Variants in MBD5 observed in about 807,000 individuals in gnomAD.
MBD5 encodes methyl-CpG binding domain protein 5.
In MBD5, 13 loss-of-function variants were observed where a neutral mutation model predicts 117.3. The ratio of observed to expected loss-of-function variants is 0.11; its 90% CI spans 0.07 to 0.18. The LOEUF is 0.18. Ranked by LOEUF, MBD5 falls within the 10% of genes least tolerant of loss-of-function variation. The probability of loss-of-function intolerance (pLI) is 1.00; values close to 1 mark genes in which losing one functional copy is unlikely to be tolerated. For missense variants in MBD5, 1,879 were observed against 2,093.8 expected (o/e 0.90, Z 2.00); for synonymous variants, 727 against 766.4 (o/e 0.95, Z 0.85).
At chr2:148,255,355 G>A (rs1323244288) in intron 3 of MBD5, among the ~76,000 whole-genome samples, 2 of 152,136 alleles carry the variant, frequency 1.3e-5, no homozygotes, top group African/African-American at 2.4e-5. Flanking sequence ...CAGTACATGT[G>A]TCCCCCAGAG....
At chr2:148,342,773 T>G (rs999821675) in intron 4 of MBD5, among the ~76,000 whole-genome samples, 2 of 151,986 alleles carry the variant, frequency 1.3e-5, no homozygotes, top group African/African-American at 4.8e-5. Flanking sequence ...TATTTTTTTC[T>G]CCTCAACTTT....
chr2:148,106,633 T>C (rs1696380263), intron 1 of MBD5, among the ~76,000 whole-genome samples: 1 of 151,942 alleles, frequency 6.6e-6, no homozygotes, highest in Admixed American at 6.6e-5. Flanking sequence ...TTCTCCTTTA[T>C]TGCCTTCTTT....
At chr2:148,144,431 T>C (rs1697396541) in intron 1 of MBD5, among the ~76,000 whole-genome samples, 1 of 152,248 alleles carries the variant, frequency 6.6e-6, no homozygotes, top group Non-Finnish European at 1.5e-5. Context: ...TGTTTTGCTC[T>C]GCAGAAGCTC....
intron 4 of MBD5, among the ~76,000 whole-genome samples, chr2:148,349,337 GTTGGTA>G (rs1703196098): frequency 1.3e-5 from 2 of 151,932 alleles, no homozygotes; most frequent in South Asian, 4.1e-4. Context: ...TCAGAATAGT[GTTGGTA>G]TACAGTAAGC....
At chr2:148,176,055 G>C (rs778255946) in intron 1 of MBD5, among the ~76,000 whole-genome samples, 2 of 152,084 alleles carry the variant, frequency 1.3e-5, no homozygotes, top group Non-Finnish European at 2.9e-5. Flanking sequence ...GATTTACAGA[G>C]CTATTGGTTC....
chr2:148,385,216 T>A (rs1704312174), intron 4 of MBD5, among the ~76,000 whole-genome samples: 1 of 152,220 alleles, frequency 6.6e-6, no homozygotes. Context: ...CGTACTCATC[T>A]GACAAAGGGC....
At chr2:148,240,480 G>A (rs1700193973) in intron 3 of MBD5, among the ~76,000 whole-genome samples, 1 of 151,828 alleles carries the variant, frequency 6.6e-6, no homozygotes, top group African/African-American at 2.4e-5. Context: ...GAATGCCTGG[G>A]TTCAAGCAAT....
intron 4 of MBD5, among the ~76,000 whole-genome samples, chr2:148,347,897 C>T (rs948533021): frequency 6.6e-6 from 1 of 151,916 alleles, no homozygotes; most frequent in African/African-American, 2.4e-5. Flanking sequence ...ACCCTACCCC[C>T]CAATGCCACT....
chr2:148,195,766 G>T (rs987838138), intron 2 of MBD5, among the ~76,000 whole-genome samples: 31 of 152,036 alleles, frequency 2.0e-4, no homozygotes, highest in African/African-American at 7.5e-4. Context: ...TCGATATTTG[G>T]AAATTAAACA....
chr2:148,242,379 T>C (rs545920187), intron 3 of MBD5, among the ~76,000 whole-genome samples: 13 of 151,014 alleles, frequency 8.6e-5, no homozygotes, highest in South Asian at 2.1e-4. Context: ...TACACACACA[T>C]ATATATATAT....
At chr2:148,389,046 G>T (rs1398502924) in intron 4 of MBD5, among the ~76,000 whole-genome samples, 2 of 150,518 alleles carry the variant, frequency 1.3e-5, no homozygotes, top group Admixed American at 1.3e-4. Flanking sequence ...CCATTGTTGA[G>T]CTCCCACATT....
At chr2:148,398,880 GT>G (rs1156619674) in intron 4 of MBD5, among the ~76,000 whole-genome samples, 3 of 152,172 alleles carry the variant, frequency 2.0e-5, no homozygotes, top group South Asian at 2.1e-4. Flanking sequence ...TGGCTAGCCA[GT>G]TTTCCCAGCA....
intron 1 of MBD5, among the ~76,000 whole-genome samples, chr2:148,035,828 A>C (rs112067440): frequency 3.3e-5 from 5 of 152,222 alleles, no homozygotes; most frequent in African/African-American, 9.6e-5. Context: ...TGTCCACCTC[A>C]GGGTTATTTA....
chr2:148,334,999 A>G (rs1167315376), intron 3 of MBD5, among the ~76,000 whole-genome samples: 1 of 152,160 alleles, frequency 6.6e-6, no homozygotes, highest in Non-Finnish European at 1.5e-5. Flanking sequence ...TAAACCCAGG[A>G]ACAATAACTA....
At chr2:148,225,589 T>A (rs1699799746) in intron 2 of MBD5, among the ~76,000 whole-genome samples, 1 of 152,214 alleles carries the variant, frequency 6.6e-6, no homozygotes, top group Admixed American at 6.5e-5. Flanking sequence ...CTTATTAATG[T>A]CCTCTTCTTT....
intron 1 of MBD5, among the ~76,000 whole-genome samples, chr2:148,154,821 G>A (rs71202109): frequency 1.2e-4 from 18 of 152,072 alleles, no homozygotes; most frequent in African/African-American, 4.3e-4. Flanking sequence ...ACTGACCTGC[G>A]CCCACTGTCT....
rs186472392 is a variant in MBD5, at chr2:148,119,881, C to G, written c.-924-58819C>G. On this transcript the variant is annotated intron_variant, in intron 1 of 13. Coordinates refer to ENST00000642680, the MANE Select transcript of MBD5 (RefSeq NM_001378120.1). ...CTACCCTATGCCAGTACCATCTTGTCTTGATTACTATAGCTTTGTAATTTG... is the reference window on the plus strand; with the variant it reads ...CTACCCTATGCCAGTACCATCTTGTGTTGATTACTATAGCTTTGTAATTTG... 4.7e-4 allele frequency among the ~76,000 whole-genome samples: 70 copies of G among 148,798 alleles called. 1 individual carries two copies. Among genetic ancestry groups the G allele is most frequent in the African/African-American group, 1.7e-3 (69 of 40,790 alleles).
intron 1 of MBD5, among the ~76,000 whole-genome samples, chr2:148,128,918 G>T (rs1373666283): frequency 6.6e-6 from 1 of 152,174 alleles, no homozygotes; most frequent in Non-Finnish European, 1.5e-5. Context: ...TTAAGAAAAT[G>T]ATCTGGCATC....
intron 1 of MBD5, among the ~76,000 whole-genome samples, chr2:148,102,562 C>T (rs1219849682): frequency 1.3e-5 from 2 of 151,898 alleles, no homozygotes; most frequent in East Asian, 3.9e-4. Flanking sequence ...ATACTGTGTT[C>T]TTTCGGTGGT....
Sources: allele counts gnomAD v4.1 joint callset (sites outside exome capture counted in the v4.1 genomes callset), GRCh38; gene constraint gnomAD v4.1.1; transcripts MANE v1.5; gene names NCBI Gene and HGNC (gene_info 2026-07-23, HGNC 2026-07-21).